ZNF716: variants seen among roughly 807,000 people sequenced by gnomAD.
ZNF716 encodes the protein zinc finger protein 716.
A neutral mutation model predicts 13.4 loss-of-function variants in ZNF716; 9 were observed. The observed-to-expected ratio is 0.67, with a 90% CI of 0.41 to 1.18. The LOEUF (loss-of-function observed/expected upper bound fraction) is 1.18. ZNF716 is among the 50% of genes most tolerant of loss of function. The pLI is 0.01. For missense variants in ZNF716, 581 were observed against 576.6 expected, an observed-to-expected ratio of 1.01 and a Z score of -0.08; for synonymous variants, 186 against 195.2, an observed-to-expected ratio of 0.95 and a Z score of 0.39.
At chr7:57,459,094 CAT>C (rs1235768638) in intron 1 of ZNF716, among the ~76,000 whole-genome samples, 1 of 152,150 alleles carries the variant, frequency 6.6e-6, no homozygotes, top group Non-Finnish European at 1.5e-5. Flanking sequence ...TATCATTTCA[CAT>C]GTTTTTTGTA....
intron 1 of ZNF716, among the ~76,000 whole-genome samples, chr7:57,458,837 T>C (rs563320864): frequency 1.6e-3 from 251 of 152,356 alleles, no homozygotes; most frequent in Middle Eastern, 6.8e-3. Flanking sequence ...ATCTTTGAAG[T>C]TGATTTGCTC....
chr7:57,460,376 T>G (rs1789686368), intron 1 of ZNF716, among the ~76,000 whole-genome samples: 1 of 116,840 alleles, frequency 8.6e-6, no homozygotes, highest in Admixed American at 1.2e-4. Flanking sequence ...GCCTGGGTGA[T>G]AGAGTGAGAC....
rs1255741809 is a variant in ZNF716, at chr7:57,469,743, A to G, written c.1282A>G (p.Ile428Val). ...NCSSTLKKHK[I>V]IHTGEKLYKC... The stretch of plus-strand genomic sequence containing the variant: ...CTCCTCAACCCTTAAGAAACATAAG[A>G]TAATTCATACTGGAGAGAAACTCTA... The change falls in exon 4 of 4, where the codon ATA (isoleucine) becomes GTA (valine). Residue 428 changes from isoleucine (I) to valine (V), a missense_variant. Physicochemically the swap from Ile to Val is conservative, Grantham distance 29 (BLOSUM62 3). Transcript: ENST00000420713. The G allele has an allele frequency of 1.2e-6, 2 of 1,612,590 alleles. No individual in the cohort carries two copies. Among genetic ancestry groups the G allele is most frequent in the Non-Finnish European group, 1.7e-6 (2 of 1,179,342 alleles).
At chr7:57,451,770 C>CTTT (rs76825087) in intron 1 of ZNF716, among the ~76,000 whole-genome samples, 3 of 136,152 alleles carry the variant, frequency 2.2e-5, no homozygotes, top group Non-Finnish European at 3.1e-5. Flanking sequence ...CTCTTTCTTT[C>CTTT]TTTTTTTTTT....
chr7:57,462,666 G>T (rs1265151810), intron 2 of ZNF716, 80 bp downstream of exon 2: 3 of 1,454,924 alleles, frequency 2.1e-6, no homozygotes, highest in Non-Finnish European at 2.8e-6. Context: ...TTTCTGCTTT[G>T]CATGAATGAA....
chr7:57,467,679 A>G (rs1554324392), intron 3 of ZNF716, among the ~76,000 whole-genome samples: 2 of 152,008 alleles, frequency 1.3e-5, no homozygotes, highest in African/African-American at 4.8e-5. Flanking sequence ...TTGCATGAAT[A>G]TGTGTTATGG....
At position 57,472,185 on chromosome 7, in the gene ZNF716, A is replaced by C. The variant is rs1789954755; in HGVS notation, c.*2236A>C. 6.6e-6 allele frequency: 1 copy of C among 152,220 alleles called. No individual in the cohort carries two copies. The highest frequency in any genetic ancestry group is 2.4e-5 in the African/African-American group (1 of 41,460). 9.4% of individuals were successfully genotyped at this position (152,220 alleles called of 1,614,324 possible). On this transcript the variant is annotated 3_prime_UTR_variant, in exon 4 of 4. Coordinates refer to ENST00000420713, the MANE Select transcript of ZNF716 (RefSeq NM_001159279.1). Reference sequence around the variant, plus strand: ...TGGAGAGGTTCTTTGTGGTTGACTTATAACATTGTTTTAGTGATGTATAAG... The same window carrying C: ...TGGAGAGGTTCTTTGTGGTTGACTTCTAACATTGTTTTAGTGATGTATAAG...
chr7:57,454,453 C>G (rs1789550953), intron 1 of ZNF716, among the ~76,000 whole-genome samples: 1 of 152,148 alleles, frequency 6.6e-6, no homozygotes, highest in Non-Finnish European at 1.5e-5. Context: ...AAGCTATGAG[C>G]AATATGGAGC....
At position 57,468,863 on chromosome 7, in the gene ZNF716, G is replaced by A. The variant is rs1180979856; in HGVS notation, c.402G>A (p.Glu134=). The A allele has an allele frequency of 6.2e-7, 1 of 1,613,548 alleles. No individual in the cohort carries two copies. The highest frequency in any genetic ancestry group is 8.5e-7 in the Non-Finnish European group (1 of 1,179,824). ...QVKKCCKSVG[E]CEVHKGGYNY... is the part of the protein sequence containing the mutation. The stretch of plus-strand genomic sequence containing the variant: ...AAAAATGCTGTAAAAGTGTAGGTGA[G>A]TGTGAGGTGCACAAAGGAGGTTATA... The change falls in exon 4 of 4, where the codon GAG becomes GAA. Residue 134 remains glutamate, a synonymous_variant. Transcript: ENST00000420713.
In ZNF716 at chr7:57,469,981, T is replaced by A. The variant is rs1267909892; in HGVS notation, c.*32T>A. ...AAAGTCCAGCCCTCAGGCCTTATAA[T>A]ACATAAAATAATTTATACTGGAAAA... On this transcript the variant is annotated 3_prime_UTR_variant, in exon 4 of 4. Transcript: ENST00000420713. 3 of 1,481,144 alleles carry A rather than the reference T, an allele frequency of 2.0e-6. No homozygotes were observed. Among genetic ancestry groups the A allele is most frequent in the Non-Finnish European group, 2.7e-6 (3 of 1,118,078 alleles). 91.8% of individuals were successfully genotyped at this position (1,481,144 alleles called of 1,614,324 possible). A position where few individuals can be genotyped will look rare whatever the true frequency, so the allele number is the denominator to read the frequency against.
chr7:57,469,316 C>T lies in ZNF716; in HGVS notation c.855C>T (p.Asn285=). Reference sequence around the variant, plus strand: ...TCTTTAGCCGCTCAACACTTACTAACTACAAGAGAATTCATACTGGAGAGA... The same window carrying T: ...TCTTTAGCCGCTCAACACTTACTAATTACAAGAGAATTCATACTGGAGAGA... ...GKVFSRSTLT[N]YKRIHTGEKP... The change falls in exon 4 of 4, where the codon AAC becomes AAT. Residue 285 remains asparagine, a synonymous_variant. Transcript: ENST00000420713. 1.3e-6 allele frequency: 2 copies of T among 1,585,484 alleles called. No homozygotes were observed. Among genetic ancestry groups the T allele is most frequent in the Non-Finnish European group, 1.7e-6 (2 of 1,164,694 alleles).
intron 1 of ZNF716, 54 bp from the exon 2 acceptor site, chr7:57,462,406 A>T (rs1554323266): frequency 6.3e-7 from 1 of 1,581,958 alleles, no homozygotes; most frequent in Non-Finnish European, 8.6e-7. Flanking sequence ...GCAACATGGT[A>T]ACTGTTTGTG....
intron 3 of ZNF716, among the ~76,000 whole-genome samples, chr7:57,464,736 T>A (rs1207596893): frequency 2.6e-5 from 4 of 152,222 alleles, no homozygotes; most frequent in Non-Finnish European, 4.4e-5. Flanking sequence ...TCTAAGTATT[T>A]TGTTGAAAAA....
At chr7:57,459,304 C>CTTAATGAACATTTTA (rs371442193) in intron 1 of ZNF716, among the ~76,000 whole-genome samples, 1 of 147,628 alleles carries the variant, frequency 6.8e-6, no homozygotes, top group African/African-American at 2.5e-5. Context: ...ACAGTACCTG[C>CTTAATGAACATTTTA]TTAGTACATG....
At chr7:57,452,846 G>T (rs1304491876) in intron 1 of ZNF716, among the ~76,000 whole-genome samples, 1 of 152,058 alleles carries the variant, frequency 6.6e-6, no homozygotes, top group Non-Finnish European at 1.5e-5. Flanking sequence ...GATAAACCAA[G>T]ATACCTACTG....
At chr7:57,460,214 G>A (rs1243822166) in intron 1 of ZNF716, among the ~76,000 whole-genome samples, 1 of 151,912 alleles carries the variant, frequency 6.6e-6, no homozygotes, top group African/African-American at 2.4e-5. Flanking sequence ...GACCAACATG[G>A]TGAAAGTCCA....
In ZNF716 at chr7:57,468,794, A is replaced by G. The variant is rs1554324521; in HGVS notation, c.333A>G (p.Ile111Met). ...QGIKDSLQKVILRRYGKCGQE... is the reference protein window; with the variant it reads ...QGIKDSLQKVMLRRYGKCGQE... ...TAAAAGATTCACTCCAAAAAGTGAT[A>G]CTGAGAAGATATGGAAAATGTGGAC... Residue 111 changes from isoleucine (I) to methionine (M), a missense_variant, in exon 4 of 4, where the codon ATA (isoleucine) becomes ATG (methionine). Coordinates refer to ENST00000420713, the MANE Select transcript of ZNF716 (RefSeq NM_001159279.1). The G allele has an allele frequency of 6.8e-6, 11 of 1,613,670 alleles. No homozygotes were observed. Among genetic ancestry groups the G allele is most frequent in the Non-Finnish European group, 9.3e-6 (11 of 1,179,790 alleles).
chr7:57,462,980 T>G, intron 2 of ZNF716, 93 bp from the exon 3 acceptor site: 1 of 1,485,104 alleles, frequency 6.7e-7, no homozygotes, highest in Non-Finnish European at 9.0e-7. Flanking sequence ...TTCTAGAATT[T>G]TCTATCATAT....
intron 1 of ZNF716, among the ~76,000 whole-genome samples, chr7:57,453,995 G>A (rs1789542144): frequency 6.6e-6 from 1 of 152,064 alleles, no homozygotes; most frequent in Non-Finnish European, 1.5e-5. Context: ...ACCACACCCG[G>A]CTAATTTTTG....
Sources: allele counts gnomAD v4.1 joint callset (sites outside exome capture counted in the v4.1 genomes callset), GRCh38; gene constraint gnomAD v4.1.1; transcripts MANE v1.5; gene names NCBI Gene and HGNC (gene_info 2026-07-23, HGNC 2026-07-21).